The following IL11RA variants were observed in gnomAD, a reference collection of about 807,000 sequenced individuals.
The protein encoded by IL11RA is interleukin 11 receptor subunit alpha, also known as interleukin-11 receptor subunit alpha.
A neutral mutation model predicts 57.0 loss-of-function variants in IL11RA; 51 were observed. That is an observed-to-expected ratio of 0.89 (90% confidence interval 0.71 to 1.13). The LOEUF (loss-of-function observed/expected upper bound fraction) is 1.13. Ranked by LOEUF, IL11RA falls within the 50% of genes most tolerant of loss-of-function variation. The pLI is 0.00. For synonymous variants in IL11RA, 199 were observed against 217.5 expected, an observed-to-expected ratio of 0.91 and a Z score of 0.75; for missense variants, 498 against 539.4, an observed-to-expected ratio of 0.92 and a Z score of 0.76.
rs1821367895 is a variant in IL11RA at position 34,657,453 on chromosome 9, C to A, written c.512C>A (p.Pro171Gln). The part of the protein sequence containing the change: ...RSPSTGPWPC[P>Q]QDPLGAARCV... Reference sequence around the variant, plus strand: ...CCATCCACAGGGCCCTGGCCATGCCCACAGGATCCCCTAGGGGCTGCCCGC... The same window carrying A: ...CCATCCACAGGGCCCTGGCCATGCCAACAGGATCCCCTAGGGGCTGCCCGC... Residue 171 changes from proline (P) to glutamine (Q), a missense_variant, in exon 7 of 13, where the codon CCA (proline) becomes CAA (glutamine). Coordinates refer to ENST00000441545, the MANE Select transcript of IL11RA (RefSeq NM_001142784.3). 6.2e-7 allele frequency: 1 copy of A among 1,614,194 alleles called. No individual in the cohort carries two copies. Among genetic ancestry groups the A allele is most frequent in the African/African-American group, 1.3e-5 (1 of 75,058 alleles).
chr9:34,657,678 T>A, intron 7 of IL11RA, 91 bp downstream of exon 7: 4 of 1,275,302 alleles, frequency 3.1e-6, no homozygotes, highest in Non-Finnish European at 4.4e-6. Flanking sequence ...CCCAGTTTCC[T>A]CCCAACCTAG....
intron 8 of IL11RA, among the ~76,000 whole-genome samples, chr9:34,659,161 G>A (rs137932522): frequency 1.3e-5 from 2 of 152,258 alleles, no homozygotes; most frequent in Non-Finnish European, 2.9e-5. Context: ...ATGACCTCAC[G>A]ATCTGCCCAC....
Position 34,658,423 on chromosome 9 carries a change from G to A in IL11RA, c.647-97G>A, listed in dbSNP as rs906934884. 3.0e-5 allele frequency: 37 copies of A among 1,226,770 alleles called. No individual in the cohort carries two copies. Among genetic ancestry groups the A allele is most frequent in the Non-Finnish European group, 4.3e-5 (36 of 828,464 alleles). The allele number at this position is 1,226,770 out of a possible 1,614,324, so 76.0% of individuals were successfully genotyped here. On this transcript the variant is annotated intron_variant, in intron 7 of 12. Transcript: ENST00000441545. This position sits in a 1 kb window ranked among gnomAD's most constrained non-coding sequence, Gnocchi z 4.0. ...AGATTTCCCCTCCCCTCTCAGGAGT[G>A]TCTGGCTAAGGCTCCTTTAAACACA...
Position 34,660,386 on chromosome 9 carries a change from G to C in IL11RA, c.1065G>C (p.Arg355=). Residue 355 remains arginine (R), a synonymous_variant, in exon 10 of 13, where the codon CGG becomes CGC. Coordinates refer to ENST00000441545, the MANE Select transcript of IL11RA (RefSeq NM_001142784.3). ...PPRPSLQPHP[R]LLDHRDSVEQ... is the part of the protein sequence containing the mutation. The stretch of plus-strand genomic sequence containing the variant: ...GGCCCTCCCTCCAACCACACCCTCG[G>C]CTACTTGGTGAGCTTGGGCAGATGG... 1 of 1,614,034 alleles carries C rather than the reference G, an allele frequency of 6.2e-7. No individual in the cohort carries two copies. The highest frequency in any genetic ancestry group is 8.5e-7 in the Non-Finnish European group (1 of 1,179,958).
Position 34,661,571 on chromosome 9 carries a change from C to A in IL11RA, c.*73C>A. ...TGGTGTGGATAGAAACCAGGCAGGA[C>A]AGTAGATCCCTATGGTTGGATCTCA... On this transcript the variant is annotated 3_prime_UTR_variant, in exon 13 of 13. Transcript: ENST00000441545. 7.3e-7 allele frequency: 1 copy of A among 1,367,140 alleles called. No homozygotes were observed. Among genetic ancestry groups the A allele is most frequent in the Non-Finnish European group, 1.0e-6 (1 of 960,188 alleles). 84.7% of individuals were successfully genotyped at this position (1,367,140 alleles called of 1,614,324 possible). A position where few individuals can be genotyped will look rare whatever the true frequency, so the allele number is the denominator to read the frequency against.
At chr9:34,660,628 C>T (rs749193262) in intron 11 of IL11RA, 28 bp downstream of exon 11, 13 of 1,558,634 alleles carry the variant, frequency 8.3e-6, no homozygotes, top group Admixed American at 6.7e-5. Context: ...GTCCCTCAGC[C>T]TCTGATCCTC....
chr9:34,660,998 A>G, intron 12 of IL11RA, 62 bp downstream of exon 12: 11 of 1,333,790 alleles, frequency 8.2e-6, no homozygotes, highest in Non-Finnish European at 1.2e-5. Context: ...GAGTGTCCAG[A>G]TTAAGAGCTG....
chr9:34,656,699 C>T, intron 3 of IL11RA, 40 bp from the exon 4 acceptor site: 1 of 1,610,212 alleles, frequency 6.2e-7, no homozygotes, highest in Non-Finnish European at 8.5e-7. Flanking sequence ...TTATGCTTGA[C>T]ATCTTGTCTT....
chr9:34,659,398 C>G (rs1821407956), intron 8 of IL11RA, among the ~76,000 whole-genome samples: 1 of 152,190 alleles, frequency 6.6e-6, no homozygotes, highest in Non-Finnish European at 1.5e-5. Context: ...TTACTTAGTG[C>G]TGCCTGCCTG....
Position 34,656,860 on chromosome 9 carries a change from C to T in IL11RA, c.283C>T (p.Gln95Ter). The T allele has an allele frequency of 6.2e-7, 1 of 1,614,148 alleles. No homozygotes were observed. Among genetic ancestry groups the T allele is most frequent in the Non-Finnish European group, 8.5e-7 (1 of 1,180,032 alleles). Residue 95 changes from glutamine (Q) to a stop codon, truncating the protein, a stop_gained, in exon 4 of 13, where the codon CAG becomes TAG. Coordinates refer to ENST00000441545, the MANE Select transcript of IL11RA (RefSeq NM_001142784.3). LOFTEE classifies it high-confidence loss of function. ...DSTDEGTYIC[Q>*]TLDGALGGTV... The stretch of plus-strand genomic sequence containing the variant: ...CACTGATGAGGGCACCTACATCTGC[C>T]AGACCCTGGATGGTGCACTTGGGGG...
intron 5 of IL11RA, 64 bp downstream of exon 5, chr9:34,657,213 G>A: frequency 6.2e-7 from 1 of 1,607,298 alleles, no homozygotes; most frequent in Non-Finnish European, 8.5e-7. Flanking sequence ...GTGGGTGTGG[G>A]AGGCAGGGAG....
At chr9:34,661,008 G>T in intron 12 of IL11RA, 72 bp downstream of exon 12, 5 of 1,226,730 alleles carry the variant, frequency 4.1e-6, no homozygotes, top group Middle Eastern at 1.9e-4. Flanking sequence ...ATTAAGAGCT[G>T]GCTGCCCTAG....
intron 5 of IL11RA, 42 bp from the exon 6 acceptor site, chr9:34,657,261 C>T: frequency 6.2e-7 from 1 of 1,613,904 alleles, no homozygotes; most frequent in Admixed American, 1.7e-5. Flanking sequence ...GGCAGAAGGC[C>T]CTCTTTTCCT....
Position 34,660,543 on chromosome 9 carries a change from C to A in IL11RA, c.1112C>A (p.Ser371Tyr). The A allele has an allele frequency of 6.2e-7, 1 of 1,614,084 alleles. No homozygotes were observed. Among genetic ancestry groups the A allele is most frequent in the East Asian group, 2.2e-5 (1 of 44,890 alleles). The part of the protein sequence containing the change: ...DSVEQVAVLA[S>Y]LGILSFLGLV... ...GTGGAGCAGGTAGCTGTGCTGGCGTCTTTGGGAATCCTTTCTTTCCTGGGA... is the reference window on the plus strand; with the variant it reads ...GTGGAGCAGGTAGCTGTGCTGGCGTATTTGGGAATCCTTTCTTTCCTGGGA... The change falls in exon 11 of 13, where the codon TCT (serine) becomes TAT (tyrosine). Residue 371 changes from serine (S) to tyrosine (Y), a missense_variant. Ser to Tyr is a moderately radical substitution (Grantham distance 144). Transcript: ENST00000441545.
chr9:34,658,445 C>A lies in IL11RA; in HGVS notation c.647-75C>A. The A allele has an allele frequency of 6.8e-7, 1 of 1,481,336 alleles. No individual in the cohort carries two copies. Among genetic ancestry groups the A allele is most frequent in the Non-Finnish European group, 9.4e-7 (1 of 1,058,982 alleles). The allele number at this position is 1,481,336 out of a possible 1,614,324, so 91.8% of individuals were successfully genotyped here. A position where few individuals can be genotyped will look rare whatever the true frequency, so the allele number is the denominator to read the frequency against. On this transcript the variant is annotated intron_variant, in intron 7 of 12. Coordinates refer to ENST00000441545, the MANE Select transcript of IL11RA (RefSeq NM_001142784.3). This position sits in a 1 kb window ranked among gnomAD's most constrained non-coding sequence, Gnocchi z 4.0. Reference sequence around the variant, plus strand: ...AGTGTCTGGCTAAGGCTCCTTTAAACACACACTTTGGGAAGTGGTGGGGAA... The same window carrying A: ...AGTGTCTGGCTAAGGCTCCTTTAAAAACACACTTTGGGAAGTGGTGGGGAA...
In IL11RA at chr9:34,653,401, G is replaced by A. The variant is rs1344283353; in HGVS notation, c.-1+1168G>A. 6.6e-6 allele frequency among the ~76,000 whole-genome samples: 1 copy of A among 152,156 alleles called. No individual in the cohort carries two copies. On this transcript the variant is annotated intron_variant, in intron 1 of 12. Coordinates refer to ENST00000441545, the MANE Select transcript of IL11RA (RefSeq NM_001142784.3). The surrounding 1 kb of genome is among the most constrained non-coding windows in gnomAD (Gnocchi z 4.5). Reference sequence around the variant, plus strand: ...TGCTGGGGCCCAAAGAATGGAGGGGGAGGTGAGAAATGGCTGGAACTTCCA... The same window carrying A: ...TGCTGGGGCCCAAAGAATGGAGGGGAAGGTGAGAAATGGCTGGAACTTCCA...
In IL11RA at chr9:34,660,955, A is replaced by G; in HGVS notation, c.1252+19A>G. Reference sequence around the variant, plus strand: ...CGTCCAGGTGAGTAGGACATCCAGAAGATTTGGACTTGGAGATGTTTGCCC... The same window carrying G: ...CGTCCAGGTGAGTAGGACATCCAGAGGATTTGGACTTGGAGATGTTTGCCC... On this transcript the variant is annotated intron_variant, in intron 12 of 12. Transcript: ENST00000441545. 1 of 1,549,452 alleles carries G rather than the reference A, an allele frequency of 6.5e-7. No homozygotes were observed. The highest frequency in any genetic ancestry group is 8.8e-7 in the Non-Finnish European group (1 of 1,132,394).
chr9:34,660,553 C>G lies in IL11RA; in HGVS notation c.1122C>G (p.Ile374Met). The G allele has an allele frequency of 1.2e-6, 2 of 1,614,194 alleles. No individual in the cohort carries two copies. Among genetic ancestry groups the G allele is most frequent in the Non-Finnish European group, 1.7e-6 (2 of 1,180,028 alleles). ...TAGCTGTGCTGGCGTCTTTGGGAAT[C>G]CTTTCTTTCCTGGGACTGGTGGCTG... ...EQVAVLASLG[I>M]LSFLGLVAGA... is the part of the protein sequence containing the mutation. Residue 374 changes from isoleucine to methionine, a missense_variant, in exon 11 of 13, where the codon ATC becomes ATG. Coordinates refer to ENST00000441545, the MANE Select transcript of IL11RA (RefSeq NM_001142784.3).
intron 1 of IL11RA, among the ~76,000 whole-genome samples, chr9:34,654,500 C>G (rs918431896): frequency 1.7e-4 from 26 of 152,102 alleles, no homozygotes; most frequent in South Asian, 4.2e-4. Flanking sequence ...CACCCCCAGC[C>G]TCTGGCAGCA....
Sources: allele counts gnomAD v4.1 joint callset (sites outside exome capture counted in the v4.1 genomes callset), GRCh38; gene constraint gnomAD v4.1.1; non-coding constraint Gnocchi (gnomAD v3.1); transcripts MANE v1.5; gene names NCBI Gene and HGNC (gene_info 2026-07-23, HGNC 2026-07-21).